The following OR4D1 variants were observed in gnomAD, a reference collection of about 807,000 sequenced individuals.
The protein encoded by OR4D1 is olfactory receptor 4D1.
OR4D1 carries 10 observed loss-of-function variants against 14.2 expected under a neutral mutation model. That is an observed-to-expected ratio of 0.71 (90% CI 0.44 to 1.20). OR4D1 has a LOEUF of 1.20. OR4D1 is among the 50% of genes most tolerant of loss of function. The pLI is 0.00. For missense variants in OR4D1, 345 were observed against 376.6 expected, an observed-to-expected ratio of 0.92 and a Z score of 0.70; for synonymous variants, 141 against 147.4, an observed-to-expected ratio of 0.96 and a Z score of 0.32.
chr17:58,152,727 G>A (rs919684740), intron 2 of OR4D1, among the ~76,000 whole-genome samples: 3 of 152,144 alleles, frequency 2.0e-5, no homozygotes, highest in African/African-American at 7.2e-5. Flanking sequence ...TTGAGCTCAG[G>A]AGTTTGAAAC....
Position 58,158,098 on chromosome 17 carries a change from T to C in OR4D1, c.*2012T>C, listed in dbSNP as rs1967801319. 6.4e-6 allele frequency: 1 copy of C among 157,322 alleles called. No individual in the cohort carries two copies. The highest frequency in any genetic ancestry group is 1.4e-5 in the Non-Finnish European group (1 of 72,006). 9.7% of individuals were successfully genotyped at this position (157,322 alleles called of 1,614,324 possible). On this transcript the variant is annotated 3_prime_UTR_variant, in exon 4 of 4. Transcript: ENST00000268912. ...TATAATAAAATATAATACATTTGTA[T>C]ACAGTAGATGTAAAAATTCAAATTA...
chr17:58,154,286 T>TTA (rs1555589167), intron 3 of OR4D1, among the ~76,000 whole-genome samples: 56 of 146,068 alleles, frequency 3.8e-4, no homozygotes, highest in Non-Finnish European at 5.6e-4. Context: ...TTTTTTTTTT[T>TTA]AAACAACACT....
At chr17:58,150,755 A>G (rs1184129128) in intron 2 of OR4D1, among the ~76,000 whole-genome samples, 1 of 152,104 alleles carries the variant, frequency 6.6e-6, no homozygotes, top group Non-Finnish European at 1.5e-5. Flanking sequence ...TCTCTTTTAC[A>G]GAAGAGCTTT....
chr17:58,158,994 T>C lies in OR4D1; in HGVS notation c.*2908T>C, dbSNP rs1967816329. 1 of 152,214 alleles carries C rather than the reference T, an allele frequency of 6.6e-6. No homozygotes were observed. Among genetic ancestry groups the C allele is most frequent in the Admixed American group, 6.5e-5 (1 of 15,272 alleles). 9.4% of individuals were successfully genotyped at this position (152,214 alleles called of 1,614,324 possible). On this transcript the variant is annotated 3_prime_UTR_variant, in exon 4 of 4. Transcript: ENST00000268912. ...TTCACCTTCCTCTCCATCTCTCCCA[T>C]CCCTCCAGTATGCCTTTACCCCTTT...
intron 2 of OR4D1, among the ~76,000 whole-genome samples, chr17:58,151,922 A>T (rs1261566207): frequency 6.6e-6 from 1 of 152,212 alleles, no homozygotes; most frequent in Non-Finnish European, 1.5e-5. Context: ...GGGAGTATAA[A>T]TAATTTATGG....
In OR4D1 at chr17:58,157,948, C is replaced by A; in HGVS notation, c.*1862C>A. The A allele has an allele frequency of 1.4e-6, 1 of 718,426 alleles. No homozygotes were observed. The highest frequency in any genetic ancestry group is 2.4e-6 in the Non-Finnish European group (1 of 423,404). 44.5% of individuals were successfully genotyped at this position (718,426 alleles called of 1,614,324 possible). On this transcript the variant is annotated 3_prime_UTR_variant, in exon 4 of 4. Coordinates refer to ENST00000268912, the MANE Select transcript of OR4D1 (RefSeq NM_001386095.1). The stretch of plus-strand genomic sequence containing the variant: ...AAGCGGCTAGGCCGGCAGGGCCACA[C>A]GACACAGCTGAAGTTTGTTCTTTAG...
intron 2 of OR4D1, among the ~76,000 whole-genome samples, chr17:58,151,044 A>G (rs1195781800): frequency 6.6e-6 from 1 of 152,210 alleles, no homozygotes; most frequent in African/African-American, 2.4e-5. Context: ...TGTTCCATCA[A>G]TCCCATCAAC....
Position 58,156,230 on chromosome 17 carries a change from G to A in OR4D1, c.*144G>A, listed in dbSNP as rs184431849. 2 of 611,708 alleles carry A rather than the reference G, an allele frequency of 3.3e-6. No individual in the cohort carries two copies. The highest frequency in any genetic ancestry group is 3.7e-5 in the African/African-American group (2 of 53,742). 37.9% of individuals were successfully genotyped at this position (611,708 alleles called of 1,614,324 possible). A position where few individuals can be genotyped will look rare whatever the true frequency, so the allele number is the denominator to read the frequency against. The stretch of plus-strand genomic sequence containing the variant: ...GACCTAGTGCTGTGTCAAGTACTGT[G>A]TTAAGCACTTCCACGCTTTTTTTCT... On this transcript the variant is annotated 3_prime_UTR_variant, in exon 4 of 4. Coordinates refer to ENST00000268912, the MANE Select transcript of OR4D1 (RefSeq NM_001386095.1).
At position 58,155,914 on chromosome 17, in the gene OR4D1, GTATCTA is replaced by G. The variant is rs756927586; in HGVS notation, c.770_775del (p.Ile257_Tyr258del). ...GTGGTGTCCATGATCTTCATTCCCT[GTATCTA>G]TATCTATACCTGGCCCTTCACCCCA... On this transcript the variant is annotated inframe_deletion, in exon 4 of 4. Transcript: ENST00000268912. The G allele has an allele frequency of 2.4e-5, 39 of 1,614,050 alleles. No individual in the cohort carries two copies. The African/African-American group carries it at 5.2e-4, about 22-fold the overall frequency.
In OR4D1 at chr17:58,158,243, C is replaced by T. The variant is rs1008615819; in HGVS notation, c.*2157C>T. The T allele has an allele frequency of 1.3e-5, 2 of 152,066 alleles. No individual in the cohort carries two copies. Among genetic ancestry groups the T allele is most frequent in the African/African-American group, 4.8e-5 (2 of 41,402 alleles). The allele number at this position is 152,066 out of a possible 1,614,324, so 9.4% of individuals were successfully genotyped here. A position where few individuals can be genotyped will look rare whatever the true frequency, so the allele number is the denominator to read the frequency against. On this transcript the variant is annotated 3_prime_UTR_variant, in exon 4 of 4. Coordinates refer to ENST00000268912, the MANE Select transcript of OR4D1 (RefSeq NM_001386095.1). ...AGAGGGAGACAAATTATTTGCAAAA[C>T]TTGCTAAAGTCAATGATTTTGATGG...
At position 58,155,462 on chromosome 17, in the gene OR4D1, C is replaced by A. The variant is rs1967756105; in HGVS notation, c.309C>A (p.Phe103Leu). The A allele has an allele frequency of 6.2e-7, 1 of 1,614,224 alleles. No homozygotes were observed. The highest frequency in any genetic ancestry group is 1.1e-5 in the South Asian group (1 of 91,086). Residue 103 changes from phenylalanine (F) to leucine (L), a missense_variant, in exon 4 of 4, where the codon TTC becomes TTA. Physicochemically the swap from Phe to Leu is conservative, Grantham distance 22 (BLOSUM62 0). Coordinates refer to ENST00000268912, the MANE Select transcript of OR4D1 (RefSeq NM_001386095.1). ...AGGGCTGCATGGCCCAGATCTTCTT[C>A]TTCCACCTTTTGGGAGGTGGGACTG... ...SYQGCMAQIF[F>L]FHLLGGGTVF...
At chr17:58,148,814 T>C (rs997464813) in intron 1 of OR4D1, among the ~76,000 whole-genome samples, 17 of 152,124 alleles carry the variant, frequency 1.1e-4, no homozygotes, top group African/African-American at 4.1e-4. Context: ...TTCCCACACC[T>C]AGGAGAAAAC....
intron 2 of OR4D1, among the ~76,000 whole-genome samples, chr17:58,151,110 C>T (rs1292301469): frequency 6.6e-6 from 1 of 152,048 alleles, no homozygotes; most frequent in East Asian, 1.9e-4. Context: ...TCCATTTTTT[C>T]CCTTTATATT....
chr17:58,155,677 A>G lies in OR4D1; in HGVS notation c.524A>G (p.Asp175Gly), dbSNP rs940127385. The change falls in exon 4 of 4, where the codon GAT (aspartate) becomes GGT (glycine). Residue 175 changes from aspartate (D) to glycine (G), a missense_variant. By Grantham distance (94) the Asp-to-Gly change is moderately conservative. Coordinates refer to ENST00000268912, the MANE Select transcript of OR4D1 (RefSeq NM_001386095.1). ...PLPFCGPNIL[D>G]NFYCDVPQVL... ...CCCTTCTGTGGCCCCAATATCCTAG[A>G]TAACTTCTACTGTGATGTTCCCCAA... 3 of 1,613,952 alleles carry G rather than the reference A, an allele frequency of 1.9e-6. No individual in the cohort carries two copies. In the Admixed American group the frequency reaches 5.0e-5, roughly 27 times the overall value.
chr17:58,153,761 G>T (rs1967730661), intron 2 of OR4D1, among the ~76,000 whole-genome samples, 96 bp from the exon 3 acceptor site: 1 of 152,154 alleles, frequency 6.6e-6, no homozygotes, highest in African/African-American at 2.4e-5. Flanking sequence ...TTAACACCAA[G>T]AACTCAGTTT....
chr17:58,158,776 C>G lies in OR4D1; in HGVS notation c.*2690C>G, dbSNP rs1277105246. On this transcript the variant is annotated 3_prime_UTR_variant, in exon 4 of 4. Transcript: ENST00000268912. ...GTACCTTGTAACCATTACCTGTATG[C>G]TAAATATTCTTGAACAATTGGTAGA... The G allele has an allele frequency of 6.6e-6, 1 of 152,168 alleles. No homozygotes were observed. Among genetic ancestry groups the G allele is most frequent in the Non-Finnish European group, 1.5e-5 (1 of 67,992 alleles). The allele number at this position is 152,168 out of a possible 1,614,324, so 9.4% of individuals were successfully genotyped here.
intron 1 of OR4D1, among the ~76,000 whole-genome samples, chr17:58,149,178 A>G (rs1284893620): frequency 1.3e-5 from 2 of 152,116 alleles, no homozygotes; most frequent in East Asian, 3.8e-4. Context: ...CCCTTTCCCC[A>G]TACAGATCCA....
intron 2 of OR4D1, among the ~76,000 whole-genome samples, chr17:58,153,115 G>T (rs1298973847): frequency 6.6e-6 from 1 of 152,190 alleles, no homozygotes; most frequent in African/African-American, 2.4e-5. Context: ...TTAAATGGCT[G>T]CCCACCCAGT....
Position 58,156,033 on chromosome 17 carries a change from A to G in OR4D1, c.880A>G (p.Met294Val). 1 of 1,613,970 alleles carries G rather than the reference A, an allele frequency of 6.2e-7. No homozygotes were observed. Among genetic ancestry groups the G allele is most frequent in the South Asian group, 1.1e-5 (1 of 91,060 alleles). ...PMIYTLRNQDMKAAMRRLGKC... is the reference protein window; with the variant it reads ...PMIYTLRNQDVKAAMRRLGKC... ...GATCTACACCCTGAGAAACCAGGAC[A>G]TGAAAGCAGCCATGAGGAGATTAGG... is the stretch of plus-strand genomic sequence containing the variant. The change falls in exon 4 of 4, where the codon ATG becomes GTG. Residue 294 changes from methionine to valine, a missense_variant. Physicochemically the swap from Met to Val is conservative, Grantham distance 21. Coordinates refer to ENST00000268912, the MANE Select transcript of OR4D1 (RefSeq NM_001386095.1).
Sources: gnomAD v4.1 joint callset for allele counts (sites outside exome capture counted in the v4.1 genomes callset) on GRCh38, gnomAD v4.1.1 for gene constraint, MANE v1.5 for transcripts, NCBI Gene and HGNC (gene_info 2026-07-23, HGNC 2026-07-21) for gene names.